The following IMMP2L variants were observed in gnomAD, a reference collection of about 807,000 sequenced individuals.
IMMP2L encodes mitochondrial inner membrane protease subunit 2.
Under a neutral mutation model 19.3 loss-of-function variants are expected in IMMP2L, and 18 were observed. The observed-to-expected ratio is 0.93, with a 90% CI of 0.64 to 1.38. IMMP2L has a LOEUF of 1.38. Among genes scored for constraint, IMMP2L ranks in the 40% most tolerant of loss-of-function variants. IMMP2L has a pLI of 0.00. For missense variants in IMMP2L, 233 were observed against 218.2 expected (o/e 1.07, Z -0.43); for synonymous variants, 76 against 73.0 (o/e 1.04, Z -0.21).
At chr7:111,190,976 A>G (rs1808798697) in intron 3 of IMMP2L, among the ~76,000 whole-genome samples, 2 of 152,062 alleles carry the variant, frequency 1.3e-5, no homozygotes, top group Admixed American at 1.3e-4. Context: ...AACATCAATA[A>G]TACTTCTTCC....
At chr7:110,985,644 T>G (rs1211964855) in intron 3 of IMMP2L, among the ~76,000 whole-genome samples, 5 of 152,110 alleles carry the variant, frequency 3.3e-5, no homozygotes, top group African/African-American at 1.2e-4. Flanking sequence ...AGAAATAAAC[T>G]CCATATTTGT....
intron 3 of IMMP2L, among the ~76,000 whole-genome samples, chr7:111,381,333 G>A (rs992776787): frequency 3.3e-5 from 5 of 151,970 alleles, no homozygotes; most frequent in Admixed American, 6.6e-5. Context: ...TGCTAGCAGC[G>A]TAGAGCTACT....
chr7:111,270,077 G>A (rs1271892925), intron 3 of IMMP2L, among the ~76,000 whole-genome samples: 1 of 151,618 alleles, frequency 6.6e-6, no homozygotes, highest in Non-Finnish European at 1.5e-5. Flanking sequence ...GTGTGTGTGT[G>A]TGTGTGTGTG....
At chr7:111,320,118 G>A (rs1824528482) in intron 3 of IMMP2L, among the ~76,000 whole-genome samples, 1 of 152,034 alleles carries the variant, frequency 6.6e-6, no homozygotes, top group South Asian at 2.1e-4. Context: ...TAAGTCAAGT[G>A]AGGCTTCAAC....
At chr7:110,992,164 G>A (rs1822546840) in intron 3 of IMMP2L, among the ~76,000 whole-genome samples, 2 of 151,958 alleles carry the variant, frequency 1.3e-5, no homozygotes, top group Admixed American at 6.6e-5. Flanking sequence ...AAAAAATCTT[G>A]TAGTGCTCTA....
rs144373012 is a variant in IMMP2L at position 110,688,130 on chromosome 7, T to C, written c.409-24409A>G. 1.9e-3 allele frequency among the ~76,000 whole-genome samples: 293 copies of C among 152,148 alleles called. 1 individual carries two copies. The highest frequency in any genetic ancestry group is 6.9e-3 in the African/African-American group (285 of 41,516). On this transcript the variant is annotated intron_variant, in intron 5 of 5. Coordinates refer to ENST00000405709, the MANE Select transcript of IMMP2L (RefSeq NM_032549.4). ...CTGAGTGAAGAAGCCATGTTGGAAG[T>C]GGATCCTCTATCATGAGCCACTCCA...
intron 5 of IMMP2L, among the ~76,000 whole-genome samples, chr7:110,866,827 T>G (rs1402857766): frequency 6.6e-6 from 1 of 152,090 alleles, no homozygotes; most frequent in African/African-American, 2.4e-5. Context: ...CATACACACA[T>G]AGCTTCAGTT....
intron 5 of IMMP2L, among the ~76,000 whole-genome samples, chr7:110,817,034 A>C (rs1347386152): frequency 2.0e-5 from 3 of 152,074 alleles, no homozygotes; most frequent in Non-Finnish European, 4.4e-5. Context: ...TATTTTGCTC[A>C]TTAGTTGATG....
intron 3 of IMMP2L, among the ~76,000 whole-genome samples, chr7:111,129,253 C>T (rs1801617872): frequency 6.6e-6 from 1 of 152,008 alleles, no homozygotes. Context: ...TCTTGGGCTT[C>T]ATCACAATGC....
intron 4 of IMMP2L, among the ~76,000 whole-genome samples, chr7:110,949,238 A>G (rs117887447): frequency 0.013 from 2,013 of 152,260 alleles, 14 homozygotes; most frequent in Non-Finnish European, 0.019. Context: ...TGTCTCTCTG[A>G]AGAACTCTAG....
At chr7:111,180,797 G>C (rs1399218662) in intron 3 of IMMP2L, among the ~76,000 whole-genome samples, 2 of 151,996 alleles carry the variant, frequency 1.3e-5, no homozygotes, top group East Asian at 1.9e-4. Context: ...CATTTTGGCT[G>C]TTTATGGAAT....
At chr7:111,210,229 G>A (rs926007418) in intron 3 of IMMP2L, among the ~76,000 whole-genome samples, 1 of 152,144 alleles carries the variant, frequency 6.6e-6, no homozygotes, top group East Asian at 1.9e-4. Flanking sequence ...AGGAAGATTA[G>A]TAGAGAATTA....
intron 4 of IMMP2L, among the ~76,000 whole-genome samples, chr7:110,928,582 G>GTA (rs1815126709): frequency 6.6e-6 from 1 of 150,386 alleles, no homozygotes; most frequent in Non-Finnish European, 1.5e-5. Flanking sequence ...GAATCAAACA[G>GTA]TAATACACAT....
At chr7:111,413,203 A>C (rs1834599318) in intron 3 of IMMP2L, among the ~76,000 whole-genome samples, 1 of 152,154 alleles carries the variant, frequency 6.6e-6, no homozygotes, top group Non-Finnish European at 1.5e-5. Flanking sequence ...TCAATCTCAA[A>C]AGTTTAACTC....
chr7:110,866,887 G>A (rs546102031), intron 5 of IMMP2L, among the ~76,000 whole-genome samples: 3 of 152,062 alleles, frequency 2.0e-5, no homozygotes, highest in East Asian at 3.9e-4. Flanking sequence ...CAAAGAACAC[G>A]AAATACATTA....
intron 3 of IMMP2L, among the ~76,000 whole-genome samples, chr7:111,426,233 T>A (rs1836060811): frequency 6.6e-6 from 1 of 151,214 alleles, no homozygotes; most frequent in Non-Finnish European, 1.5e-5. Context: ...AATAAATATA[T>A]GTACATTAAT....
At chr7:110,855,524 A>C (rs2131555568) in intron 5 of IMMP2L, among the ~76,000 whole-genome samples, 1 of 152,150 alleles carries the variant, frequency 6.6e-6, no homozygotes, top group Admixed American at 6.6e-5. Context: ...ATGATCTTCC[A>C]AATTTCTCTG....
At chr7:110,993,198 A>T (rs1201484654) in intron 3 of IMMP2L, among the ~76,000 whole-genome samples, 1 of 152,096 alleles carries the variant, frequency 6.6e-6, no homozygotes, top group Non-Finnish European at 1.5e-5. Context: ...CCACAAGAAC[A>T]GACAGACATA....
At chr7:111,201,630 C>T (rs992716898) in intron 3 of IMMP2L, among the ~76,000 whole-genome samples, 1 of 151,502 alleles carries the variant, frequency 6.6e-6, no homozygotes, top group Non-Finnish European at 1.5e-5. Context: ...GTGGGAAGAT[C>T]GCTTGAGCCT....
Sources: gnomAD v4.1 joint callset for allele counts (sites outside exome capture counted in the v4.1 genomes callset) on GRCh38, gnomAD v4.1.1 for gene constraint, MANE v1.5 for transcripts, NCBI Gene and HGNC (gene_info 2026-07-23, HGNC 2026-07-21) for gene names.